Variants in MAP4K4 observed in about 807,000 individuals in gnomAD.
The protein encoded by MAP4K4 is mitogen-activated protein kinase kinase kinase kinase 4.
MAP4K4 carries 38 observed loss-of-function variants against 189.6 expected under a neutral mutation model. The ratio of observed to expected loss-of-function variants is 0.20; its 90% CI spans 0.15 to 0.26. The LOEUF (loss-of-function observed/expected upper bound fraction) is 0.26. Ranked by LOEUF, MAP4K4 falls within the 10% of genes least tolerant of loss-of-function variation. The pLI is 1.00. For missense variants in MAP4K4, 1,054 were observed against 1,726.9 expected, an observed-to-expected ratio of 0.61 and a Z score of 6.91; for synonymous variants, 610 against 624.3, an observed-to-expected ratio of 0.98 and a Z score of 0.34.
chr2:101,742,982 T>C (rs1368885348), intron 2 of MAP4K4, among the ~76,000 whole-genome samples: 1 of 152,200 alleles, frequency 6.6e-6, no homozygotes, highest in Non-Finnish European at 1.5e-5. Context: ...TTGAAAGAGG[T>C]TTTATTTACT....
In MAP4K4 at chr2:101,871,481, G is replaced by T; in HGVS notation, c.2761-13G>T. 1 of 1,524,582 alleles carries T rather than the reference G, an allele frequency of 6.6e-7. No homozygotes were observed. The highest frequency in any genetic ancestry group is 8.8e-7 in the Non-Finnish European group (1 of 1,138,366). The allele number at this position is 1,524,582 out of a possible 1,614,324, so 94.4% of individuals were successfully genotyped here. The stretch of plus-strand genomic sequence containing the variant: ...GCGCTTGAGCGAGACAAGTGTGCCT[G>T]TTTTTTCTACAGAGTACAGTTGACC... On this transcript the variant is annotated splice_polypyrimidine_tract_variant and intron_variant, in intron 23 of 32. Coordinates refer to ENST00000324219, the Ensembl canonical transcript of MAP4K4.
chr2:101,756,132 G>A (rs2072631733), intron 2 of MAP4K4, among the ~76,000 whole-genome samples: 1 of 151,794 alleles, frequency 6.6e-6, no homozygotes, highest in Non-Finnish European at 1.5e-5. Context: ...TTTTAGTAGA[G>A]ATGGGGTTTT....
intron 28 of MAP4K4, among the ~76,000 whole-genome samples, chr2:101,883,982 T>C (rs1053682298): frequency 1.3e-5 from 2 of 152,204 alleles, no homozygotes; most frequent in African/African-American, 4.8e-5. Context: ...TAAGGCTAAA[T>C]GTAATGAAAC....
intron 3 of MAP4K4, among the ~76,000 whole-genome samples, chr2:101,816,893 A>C (rs1228672136): frequency 6.6e-6 from 1 of 152,146 alleles, no homozygotes; most frequent in African/African-American, 2.4e-5. Flanking sequence ...TCGAGCAGCA[A>C]GGAGGGGAGA....
At chr2:101,735,421 T>C (rs2059957546) in intron 2 of MAP4K4, among the ~76,000 whole-genome samples, 1 of 152,232 alleles carries the variant, frequency 6.6e-6, no homozygotes, top group South Asian at 2.1e-4. Flanking sequence ...AGAAGTTTTC[T>C]TCTGTTCAAT....
intron 3 of MAP4K4, among the ~76,000 whole-genome samples, chr2:101,802,408 A>G (rs1368587928): frequency 6.6e-6 from 1 of 152,170 alleles, no homozygotes; most frequent in East Asian, 1.9e-4. Flanking sequence ...GGGTTCTTAC[A>G]GTGGCTGACA....
intron 18 of MAP4K4, among the ~76,000 whole-genome samples, chr2:101,865,327 G>A (rs1484380844): frequency 6.6e-6 from 1 of 152,166 alleles, no homozygotes; most frequent in Non-Finnish European, 1.5e-5. Context: ...AGTTCTAAGA[G>A]AATTGTGATC....
chr2:101,873,531 C>A, intron 24 of MAP4K4, 116 bp from the exon 25 acceptor site: 1 of 620,828 alleles, frequency 1.6e-6, no homozygotes, highest in East Asian at 3.0e-5. Context: ...TGATGCAAGG[C>A]AAATAGAGCA....
intron 2 of MAP4K4, among the ~76,000 whole-genome samples, chr2:101,748,526 A>C (rs1193070325): frequency 1.3e-5 from 2 of 152,166 alleles, no homozygotes; most frequent in African/African-American, 4.8e-5. Flanking sequence ...ATAAGGAATG[A>C]GGCCAGGTGC....
At chr2:101,828,550 C>G (rs1007302500) in intron 5 of MAP4K4, among the ~76,000 whole-genome samples, 2 of 152,068 alleles carry the variant, frequency 1.3e-5, no homozygotes, top group Non-Finnish European at 2.9e-5. Flanking sequence ...TTGAAACCCC[C>G]TATGTTAGAA....
chr2:101,860,701 C>G (rs924602531), intron 15 of MAP4K4, 124 bp from the exon 16 acceptor site: 2 of 784,372 alleles, frequency 2.5e-6, no homozygotes, highest in African/African-American at 3.5e-5. Flanking sequence ...CTACCCCTCT[C>G]TTTTCTGGTA....
chr2:101,732,846 C>G (rs535803251), intron 2 of MAP4K4, among the ~76,000 whole-genome samples: 1 of 152,232 alleles, frequency 6.6e-6, no homozygotes, highest in Admixed American at 6.5e-5. Flanking sequence ...CTCGGCCTCC[C>G]GAAGTGTTGG....
intron 3 of MAP4K4, among the ~76,000 whole-genome samples, chr2:101,797,888 A>ATTTTTTTTTTTTTT (rs1558971586): frequency 3.9e-4 from 3 of 7,624 alleles, no homozygotes; most frequent in African/African-American, 1.4e-3. Context: ...ACATTCTTTT[A>ATTTTTTTTTTTTTT]GTTTTTTTTT....
chr2:101,840,759 G>C (rs567238189), intron 10 of MAP4K4, among the ~76,000 whole-genome samples: 6 of 152,260 alleles, frequency 3.9e-5, no homozygotes, highest in African/African-American at 1.4e-4. Flanking sequence ...CAAATTTCAA[G>C]GTCAGAGAAG....
At chr2:101,893,047 C>T (rs2098592561) in exon 33 of MAP4K4, 1 of 456,336 alleles carries the variant, frequency 2.2e-6, no homozygotes. Context: ...GGGGATTTTC[C>T]CTCTGCTCCC....
chr2:101,891,972 A>G (rs2098574572), exon 33 of MAP4K4: 1 of 137,972 alleles, frequency 7.2e-6, no homozygotes, highest in African/African-American at 2.8e-5. Context: ...TGCCTAAATC[A>G]TGTGCAGATG....
At chr2:101,814,127 A>C (rs985560383) in intron 3 of MAP4K4, among the ~76,000 whole-genome samples, 1 of 152,192 alleles carries the variant, frequency 6.6e-6, no homozygotes, top group Non-Finnish European at 1.5e-5. Context: ...CTTAGGTGAG[A>C]AGCTGTGAGA....
intron 21 of MAP4K4, among the ~76,000 whole-genome samples, chr2:101,868,632 C>T (rs9308848): frequency 0.092 from 14,014 of 152,214 alleles, 1,718 homozygotes; most frequent in African/African-American, 0.29. Context: ...CCCTTTTATA[C>T]GTGGTGTCAC....
chr2:101,880,957 T>C (rs182462451), intron 27 of MAP4K4, among the ~76,000 whole-genome samples: 2 of 152,352 alleles, frequency 1.3e-5, no homozygotes, highest in East Asian at 3.9e-4. Flanking sequence ...TTTAATGTTA[T>C]GTGGACTGTG....
Sources: allele counts gnomAD v4.1 joint callset (sites outside exome capture counted in the v4.1 genomes callset), GRCh38; gene constraint gnomAD v4.1.1; transcripts MANE v1.5; gene names NCBI Gene and HGNC (gene_info 2026-07-23, HGNC 2026-07-21).